Variants in TRIM24 observed in about 807,000 individuals in gnomAD.
The protein encoded by TRIM24 is transcription intermediary factor 1-alpha.
Under a neutral mutation model 123.9 loss-of-function variants are expected in TRIM24, and 29 were observed. The ratio of observed to expected loss-of-function variants is 0.23; its 90% CI spans 0.17 to 0.32. The LOEUF (loss-of-function observed/expected upper bound fraction) is 0.32, where lower values mean the gene tolerates loss of function less well. Ranked by LOEUF, TRIM24 falls within the 10% of genes least tolerant of loss-of-function variation. The pLI is 1.00. For synonymous variants in TRIM24, 456 were observed against 461.1 expected (o/e 0.99, Z 0.14); for missense variants, 932 against 1,295.3 (o/e 0.72, Z 4.31).
chr7:138,465,162 T>C (rs967909020), intron 1 of TRIM24, among the ~76,000 whole-genome samples: 4 of 152,234 alleles, frequency 2.6e-5, no homozygotes, highest in Admixed American at 1.3e-4. Context: ...CAAGCTCCCA[T>C]TGAGAACATT....
intron 7 of TRIM24, among the ~76,000 whole-genome samples, chr7:138,545,966 A>C (rs1797093412): frequency 1.3e-5 from 2 of 152,230 alleles, no homozygotes; most frequent in South Asian, 4.1e-4. Flanking sequence ...TTGATAACAA[A>C]ACTAAAAGTT....
chr7:138,538,870 G>A, intron 7 of TRIM24, 67 bp downstream of exon 7: 1 of 1,368,570 alleles, frequency 7.3e-7, no homozygotes, highest in Non-Finnish European at 9.9e-7. Flanking sequence ...CCATTGTAAT[G>A]CTTAAAATTT....
chr7:138,526,327 A>C (rs79640183), intron 5 of TRIM24, among the ~76,000 whole-genome samples: 1,978 of 152,016 alleles, frequency 0.013, 33 homozygotes, highest in African/African-American at 0.045. Context: ...TAGTTTTACC[A>C]TTTCTTGATG....
intron 7 of TRIM24, among the ~76,000 whole-genome samples, chr7:138,549,632 G>A (rs1797170267): frequency 6.6e-6 from 1 of 152,198 alleles, no homozygotes; most frequent in Non-Finnish European, 1.5e-5. Flanking sequence ...AATGGGCAGG[G>A]AAGAATAGGA....
At chr7:138,486,117 G>A (rs887697420) in intron 1 of TRIM24, among the ~76,000 whole-genome samples, 18 of 152,120 alleles carry the variant, frequency 1.2e-4, no homozygotes, top group African/African-American at 2.7e-4. Flanking sequence ...TCATGTGTCC[G>A]TTGGCTGCAT....
chr7:138,573,357 G>A, intron 11 of TRIM24, 150 bp from the exon 12 acceptor site: 2 of 679,484 alleles, frequency 2.9e-6, no homozygotes, highest in East Asian at 6.5e-5. Flanking sequence ...TTGTTTATGG[G>A]GAAAATATCT....
intron 12 of TRIM24, 122 bp from the exon 13 acceptor site, chr7:138,576,251 C>A: frequency 1.1e-6 from 1 of 943,944 alleles, no homozygotes; most frequent in Non-Finnish European, 1.7e-6. Flanking sequence ...CAACTACTTA[C>A]TGTTTCATAG....
intron 1 of TRIM24, among the ~76,000 whole-genome samples, chr7:138,468,419 C>T (rs866885257): frequency 7.2e-5 from 11 of 151,894 alleles, no homozygotes; most frequent in South Asian, 2.1e-4. Context: ...TTCTTTGCTT[C>T]CTATAATGCT....
intron 1 of TRIM24, among the ~76,000 whole-genome samples, chr7:138,488,504 C>T (rs1427053908): frequency 2.0e-5 from 3 of 152,062 alleles, no homozygotes; most frequent in African/African-American, 4.8e-5. Flanking sequence ...AATTTCCCTC[C>T]TCACACTGCT....
rs1554429651 is a variant in TRIM24 at position 138,463,989 on chromosome 7, C to CATTTTTTT, written c.364+3077_364+3078insATTTTTTT. On this transcript the variant is annotated intron_variant, in intron 1 of 18. Coordinates refer to ENST00000343526, the MANE Select transcript of TRIM24 (RefSeq NM_015905.3). The stretch of plus-strand genomic sequence containing the variant: ...ATACTAGCTGAAGCAAAAATTTAGA[C>CATTTTTTT]TTTTTTTTTTTTTTTTTTTTTTTGA... Among the ~76,000 whole-genome samples the CATTTTTTT allele has an allele frequency of 2.2e-3, 114 of 50,748 alleles. 4 individuals are homozygous for CATTTTTTT. The highest frequency in any genetic ancestry group is 8.0e-3 in the African/African-American group (98 of 12,198). 33.3% of individuals were successfully genotyped at this position (50,748 alleles called of 152,430 possible). A position where few individuals can be genotyped will look rare whatever the true frequency, so the allele number is the denominator to read the frequency against.
At chr7:138,583,350 T>A (rs528719380) in intron 17 of TRIM24, among the ~76,000 whole-genome samples, 2 of 152,368 alleles carry the variant, frequency 1.3e-5, no homozygotes, top group East Asian at 3.9e-4. Flanking sequence ...CTGGGTGCAG[T>A]GGCTCACGCC....
intron 15 of TRIM24, among the ~76,000 whole-genome samples, chr7:138,580,259 A>G (rs529931797): frequency 3.9e-5 from 6 of 152,316 alleles, no homozygotes; most frequent in African/African-American, 1.2e-4. Flanking sequence ...AAAAAATTCA[A>G]TTATGCCCTA....
chr7:138,523,170 A>G (rs1371119518), intron 4 of TRIM24, among the ~76,000 whole-genome samples: 2 of 152,216 alleles, frequency 1.3e-5, no homozygotes, highest in African/African-American at 4.8e-5. Flanking sequence ...AATTCTCTGT[A>G]TGAGTGATTG....
At chr7:138,492,642 A>G (rs138214482) in intron 1 of TRIM24, among the ~76,000 whole-genome samples, 29 of 152,308 alleles carry the variant, frequency 1.9e-4, no homozygotes, top group African/African-American at 6.5e-4. Flanking sequence ...CTCTTGCAGA[A>G]TAGTTTGGGG....
At chr7:138,475,884 T>G (rs922724295) in intron 1 of TRIM24, among the ~76,000 whole-genome samples, 1 of 152,162 alleles carries the variant, frequency 6.6e-6, no homozygotes, top group Admixed American at 6.5e-5. Flanking sequence ...GGCAAAGATA[T>G]GCCAGACAAA....
At chr7:138,525,989 C>T (rs1037167053) in intron 5 of TRIM24, among the ~76,000 whole-genome samples, 4 of 152,282 alleles carry the variant, frequency 2.6e-5, no homozygotes, top group Non-Finnish European at 5.9e-5. Context: ...TGTTGTCTAA[C>T]CCCTTTTTAA....
intron 2 of TRIM24, among the ~76,000 whole-genome samples, chr7:138,506,922 A>G (rs1563037876): frequency 6.6e-6 from 1 of 152,164 alleles, no homozygotes. Flanking sequence ...TGGTAGCAAT[A>G]AGGAAAGGAA....
At chr7:138,473,293 T>C (rs1795317262) in intron 1 of TRIM24, among the ~76,000 whole-genome samples, 1 of 152,132 alleles carries the variant, frequency 6.6e-6, no homozygotes, top group African/African-American at 2.4e-5. Flanking sequence ...AAAATGATAA[T>C]AATAATTCCT....
chr7:138,568,956 G>A (rs541259001), intron 10 of TRIM24, among the ~76,000 whole-genome samples: 3 of 151,778 alleles, frequency 2.0e-5, no homozygotes, highest in Non-Finnish European at 4.4e-5. Context: ...TAATCAATTT[G>A]CCTTTGCTAT....
Sources: allele counts gnomAD v4.1 joint callset (sites outside exome capture counted in the v4.1 genomes callset), GRCh38; gene constraint gnomAD v4.1.1; transcripts MANE v1.5; gene names NCBI Gene and HGNC (gene_info 2026-07-23, HGNC 2026-07-21).